UVRAG: variants seen among roughly 807,000 people sequenced by gnomAD.
UVRAG encodes UV radiation resistance-associated gene protein.
UVRAG carries 19 observed loss-of-function variants against 78.0 expected under a neutral mutation model. The ratio of observed to expected loss-of-function variants is 0.24; its 90% confidence interval spans 0.17 to 0.36. The LOEUF (loss-of-function observed/expected upper bound fraction) is 0.36, where lower values mean the gene tolerates loss of function less well. Ranked by LOEUF, UVRAG falls within the 10% of genes least tolerant of loss-of-function variation. The pLI is 1.00. For synonymous variants in UVRAG, 323 were observed against 324.6 expected (o/e 1.00, Z 0.05); for missense variants, 740 against 853.8 (o/e 0.87, Z 1.66).
At chr11:75,990,287 CTT>C (rs1949579723) in intron 8 of UVRAG, among the ~76,000 whole-genome samples, 1 of 152,172 alleles carries the variant, frequency 6.6e-6, no homozygotes, top group Non-Finnish European at 1.5e-5. Context: ...TGTCCAATAA[CTT>C]AGTGTTATCT....
chr11:75,926,057 TAC>T (rs1234017613), intron 6 of UVRAG, among the ~76,000 whole-genome samples: 1 of 152,076 alleles, frequency 6.6e-6, no homozygotes, highest in Non-Finnish European at 1.5e-5. Flanking sequence ...TTTTTGATGA[TAC>T]ACCAACATAA....
intron 13 of UVRAG, among the ~76,000 whole-genome samples, chr11:76,107,141 C>A (rs1951985924): frequency 6.6e-6 from 1 of 152,036 alleles, no homozygotes; most frequent in South Asian, 2.1e-4. Flanking sequence ...TGCTTTCTGG[C>A]CAATATAAGA....
intron 13 of UVRAG, among the ~76,000 whole-genome samples, chr11:76,111,085 C>T (rs1336012377): frequency 6.6e-6 from 1 of 152,078 alleles, no homozygotes; most frequent in Non-Finnish European, 1.5e-5. Flanking sequence ...AACTCCTCAC[C>T]TCAAGCAGTC....
intron 6 of UVRAG, among the ~76,000 whole-genome samples, chr11:75,958,871 A>G (rs1948858050): frequency 6.6e-6 from 1 of 152,250 alleles, no homozygotes; most frequent in Non-Finnish European, 1.5e-5. Context: ...TACAGAATGG[A>G]TAATGTGTTA....
chr11:76,136,491 G>C (rs1952598541), intron 14 of UVRAG, among the ~76,000 whole-genome samples: 1 of 149,762 alleles, frequency 6.7e-6, no homozygotes, highest in Non-Finnish European at 1.5e-5. Context: ...CACAGCTTTA[G>C]TGTTTCTTTC....
rs575316912 is a variant in UVRAG, at chr11:75,822,996, C to A, written c.117+7472C>A. 5.3e-5 allele frequency among the ~76,000 whole-genome samples: 8 copies of A among 152,166 alleles called. No homozygotes were observed. The East Asian group carries it at 1.5e-3, about 29-fold the overall frequency. On this transcript the variant is annotated intron_variant, in intron 1 of 14. Transcript: ENST00000356136. ...TGACCATTCTCCTTCTAGGAGCTCA[C>A]CAAGAGTTGTCTCATTAGAACAAAG...
At position 75,983,434 on chromosome 11, in the gene UVRAG, T is replaced by C; in HGVS notation, c.747T>C (p.Asn249=). The C allele has an allele frequency of 6.2e-7, 1 of 1,608,822 alleles. No homozygotes were observed. The highest frequency in any genetic ancestry group is 2.2e-5 in the East Asian group (1 of 44,826). Residue 249 remains asparagine, a synonymous_variant, in exon 8 of 15, where the codon AAT becomes AAC. Coordinates refer to ENST00000356136, the MANE Select transcript of UVRAG (RefSeq NM_003369.4). ...CLQLKILVLQ[N]ELERQKKALG... is the part of the protein sequence containing the mutation. Reference sequence around the variant, plus strand: ...AGTTAAAAATTTTGGTGCTTCAGAATGAACTGGAACGGCAGAAGAAAGCTT... The same window carrying C: ...AGTTAAAAATTTTGGTGCTTCAGAACGAACTGGAACGGCAGAAGAAAGCTT...
intron 1 of UVRAG, among the ~76,000 whole-genome samples, chr11:75,828,731 G>GTA (rs199596890): frequency 0.029 from 3,231 of 110,720 alleles, 71 homozygotes; most frequent in Non-Finnish European, 0.045. Flanking sequence ...ATGTGTGTGT[G>GTA]TATATATATA....
chr11:75,828,797 A>AT (rs1333870067), intron 1 of UVRAG, among the ~76,000 whole-genome samples: 15 of 95,558 alleles, frequency 1.6e-4, no homozygotes, highest in Admixed American at 3.1e-4. Flanking sequence ...ATATATATAT[A>AT]TATATATATT....
chr11:75,951,522 A>G (rs1948703227), intron 6 of UVRAG, among the ~76,000 whole-genome samples: 1 of 152,098 alleles, frequency 6.6e-6, no homozygotes, highest in South Asian at 2.1e-4. Flanking sequence ...AGCTGGGATT[A>G]CAGGCATGTG....
chr11:75,988,772 G>C (rs994599601), intron 8 of UVRAG, among the ~76,000 whole-genome samples: 1 of 152,076 alleles, frequency 6.6e-6, no homozygotes, highest in African/African-American at 2.4e-5. Flanking sequence ...TGGGTATGTA[G>C]TGGTTTCTCA....
chr11:75,820,460 TTCTCCTGCCTCAGCCTC>T (rs1301729434), intron 1 of UVRAG, among the ~76,000 whole-genome samples: 1 of 152,006 alleles, frequency 6.6e-6, no homozygotes, highest in Non-Finnish European at 1.5e-5. Flanking sequence ...GTTCAAGCGA[TTCTCCTGCCTCAGCCTC>T]CTGAGTAGCT....
chr11:75,963,756 T>A (rs1948956435), intron 7 of UVRAG, among the ~76,000 whole-genome samples: 2 of 151,420 alleles, frequency 1.3e-5, no homozygotes, highest in African/African-American at 4.9e-5. Flanking sequence ...TAATGTTTTT[T>A]GGCATTTAAT....
At chr11:75,864,390 T>C (rs1946492200) in intron 3 of UVRAG, among the ~76,000 whole-genome samples, 1 of 152,228 alleles carries the variant, frequency 6.6e-6, no homozygotes, top group African/African-American at 2.4e-5. Context: ...AGCTCTTTTT[T>C]CTTAGCTTTT....
intron 14 of UVRAG, among the ~76,000 whole-genome samples, chr11:76,132,640 T>G (rs1952532519): frequency 6.6e-6 from 1 of 152,220 alleles, no homozygotes; most frequent in South Asian, 2.1e-4. Context: ...TTTCTTTATT[T>G]CATTTTTCCT....
chr11:76,110,501 A>G (rs1224352497), intron 13 of UVRAG, among the ~76,000 whole-genome samples: 1 of 152,092 alleles, frequency 6.6e-6, no homozygotes, highest in Non-Finnish European at 1.5e-5. Context: ...ATTTCTTCCT[A>G]TACTGTATTA....
chr11:76,080,388 A>G (rs1350666803), intron 13 of UVRAG, among the ~76,000 whole-genome samples: 1 of 152,138 alleles, frequency 6.6e-6, no homozygotes, highest in Non-Finnish European at 1.5e-5. Flanking sequence ...GAGGGAAAAG[A>G]CTGCCTGGTT....
intron 1 of UVRAG, among the ~76,000 whole-genome samples, chr11:75,844,029 A>G (rs1387917241): frequency 2.6e-5 from 4 of 151,760 alleles, no homozygotes; most frequent in Non-Finnish European, 5.9e-5. Context: ...ATTGGATCAT[A>G]TGTTATGATC....
At position 76,143,365 on chromosome 11, in the gene UVRAG, G is replaced by A. The variant is rs188184210; in HGVS notation, c.*1952G>A. ...ACCACCAAGGAGCAGGACTCCTCAT[G>A]ATTACAGTGTCCATCTCAGGCCCAC... On this transcript the variant is annotated 3_prime_UTR_variant, in exon 15 of 15. Transcript: ENST00000356136. Among the ~76,000 whole-genome samples the A allele has an allele frequency of 1.2e-3, 190 of 152,302 alleles. No individual in the cohort carries two copies. The highest frequency in any genetic ancestry group is 4.2e-3 in the African/African-American group (176 of 41,560).
Sources: gnomAD v4.1 joint callset for allele counts (sites outside exome capture counted in the v4.1 genomes callset) on GRCh38, gnomAD v4.1.1 for gene constraint, MANE v1.5 for transcripts, NCBI Gene and HGNC (gene_info 2026-07-23, HGNC 2026-07-21) for gene names.